Variants in KLHL24 observed in about 807,000 individuals in gnomAD.
KLHL24 encodes the protein kelch like family member 24, also known as kelch-like protein 24.
KLHL24 carries 29 observed loss-of-function variants against 53.4 expected under a neutral mutation model. That is an observed-to-expected ratio of 0.54 (90% CI 0.40 to 0.74). KLHL24 has a LOEUF of 0.74. Ranked by LOEUF, KLHL24 falls within the 30% of genes least tolerant of loss-of-function variation. The pLI, the probability that KLHL24 is intolerant of heterozygous loss-of-function variation, is 0.00. For missense variants in KLHL24, 504 were observed against 744.0 expected (o/e 0.68, Z 3.75); for synonymous variants, 222 against 253.7 (o/e 0.88, Z 1.19).
At chr3:183,676,182 G>A (rs946734120) in intron 7 of KLHL24, among the ~76,000 whole-genome samples, 18 of 152,014 alleles carry the variant, frequency 1.2e-4, no homozygotes, top group African/African-American at 4.1e-4. Context: ...TGCAACCTCC[G>A]CCTCCCGGGT....
At chr3:183,672,167 C>T (rs1241231012) in intron 6 of KLHL24, 129 bp from the exon 7 acceptor site, 4 of 482,688 alleles carry the variant, frequency 8.3e-6, no homozygotes, top group African/African-American at 2.0e-5. Flanking sequence ...ATCAGGCTAA[C>T]CTCTCTTAAT....
chr3:183,684,285 A>G lies in KLHL24; in HGVS notation c.*4999A>G, dbSNP rs916992834. The G allele has an allele frequency of 1.3e-5, 2 of 152,612 alleles. No individual in the cohort carries two copies. The highest frequency in any genetic ancestry group is 2.9e-5 in the Non-Finnish European group (2 of 68,036). 9.5% of individuals were successfully genotyped at this position (152,612 alleles called of 1,614,324 possible). A position where few individuals can be genotyped will look rare whatever the true frequency, so the allele number is the denominator to read the frequency against. ...CAAAAGTATAATCTGCTTTACAACT[A>G]GTATAGACCTAAGGTCATTTGCTTT... On this transcript the variant is annotated 3_prime_UTR_variant, in exon 8 of 8. Coordinates refer to ENST00000242810, the MANE Select transcript of KLHL24 (RefSeq NM_017644.3).
chr3:183,674,158 A>G (rs1721743980), intron 7 of KLHL24, among the ~76,000 whole-genome samples: 1 of 152,032 alleles, frequency 6.6e-6, no homozygotes, highest in African/African-American at 2.4e-5. Flanking sequence ...TCAAGTTCTT[A>G]CCAAGTTTTA....
chr3:183,646,207 C>A (rs1210854341), intron 2 of KLHL24, among the ~76,000 whole-genome samples: 1 of 151,510 alleles, frequency 6.6e-6, no homozygotes, highest in Non-Finnish European at 1.5e-5. Context: ...TCCAAAAGTA[C>A]AAAAATTAGC....
chr3:183,677,751 A>G (rs1712135385), intron 7 of KLHL24, among the ~76,000 whole-genome samples: 1 of 152,144 alleles, frequency 6.6e-6, no homozygotes, highest in South Asian at 2.1e-4. Context: ...AGATGCATGT[A>G]ATAGTGAATC....
chr3:183,656,028 C>G (rs577642034), intron 3 of KLHL24, among the ~76,000 whole-genome samples: 2 of 147,816 alleles, frequency 1.4e-5, no homozygotes, highest in Non-Finnish European at 3.0e-5. Flanking sequence ...TTCAGAGTGC[C>G]CTTAGCATCT....
At chr3:183,679,045 C>T in intron 7 of KLHL24, 41 bp from the exon 8 acceptor site, 4 of 1,497,714 alleles carry the variant, frequency 2.7e-6, no homozygotes, top group Non-Finnish European at 2.8e-6. Context: ...AATCCTTTAT[C>T]TTCAATGGTT....
Position 183,679,801 on chromosome 3 carries a change from G to T in KLHL24, c.*515G>T, listed in dbSNP as rs1370978102. On this transcript the variant is annotated 3_prime_UTR_variant, in exon 8 of 8. Coordinates refer to ENST00000242810, the MANE Select transcript of KLHL24 (RefSeq NM_017644.3). ...CCAGATTGGTTAATTTTATTGAAGG[G>T]TTTTTTTCTGTAATTGATAAAAATG... The T allele has an allele frequency of 6.6e-6, 1 of 152,314 alleles. No homozygotes were observed. Among genetic ancestry groups the T allele is most frequent in the Admixed American group, 6.6e-5 (1 of 15,252 alleles). The allele number at this position is 152,314 out of a possible 1,614,324, so 9.4% of individuals were successfully genotyped here.
chr3:183,648,866 G>T (rs114045718), intron 2 of KLHL24, among the ~76,000 whole-genome samples: 2,347 of 152,182 alleles, frequency 0.015, 46 homozygotes, highest in African/African-American at 0.054. Flanking sequence ...GCCGGGTGTG[G>T]TGGGTACGTG....
intron 1 of KLHL24, among the ~76,000 whole-genome samples, chr3:183,638,300 T>G (rs944133113): frequency 6.6e-6 from 1 of 152,232 alleles, no homozygotes; most frequent in Non-Finnish European, 1.5e-5. Context: ...ACTTAAACTT[T>G]CCTGGCTTTT....
At chr3:183,659,376 A>C (rs1237921942) in intron 3 of KLHL24, among the ~76,000 whole-genome samples, 1 of 152,130 alleles carries the variant, frequency 6.6e-6, no homozygotes, top group Non-Finnish European at 1.5e-5. Context: ...GTCTCTATTA[A>C]AAATACAAAA....
chr3:183,653,563 AC>A (rs1718433976), intron 3 of KLHL24, among the ~76,000 whole-genome samples: 1 of 152,252 alleles, frequency 6.6e-6, no homozygotes, highest in East Asian at 1.9e-4. Context: ...TTATACTGTG[AC>A]AGGTTTTTGC....
intron 3 of KLHL24, among the ~76,000 whole-genome samples, chr3:183,654,178 C>T (rs1421568108): frequency 6.6e-6 from 1 of 152,116 alleles, no homozygotes; most frequent in Admixed American, 6.6e-5. Context: ...TTATTAATTG[C>T]CTTATCCATC....
intron 3 of KLHL24, among the ~76,000 whole-genome samples, chr3:183,652,532 T>G (rs935776673): frequency 1.3e-5 from 2 of 152,206 alleles, no homozygotes; most frequent in African/African-American, 2.4e-5. Context: ...TTTACATTGT[T>G]GTGAAACTAG....
Position 183,671,030 on chromosome 3 carries a change from A to AT in KLHL24, c.1225-3dup, listed in dbSNP as rs750932054. 7 of 1,598,822 alleles carry AT rather than the reference A, an allele frequency of 4.4e-6. No homozygotes were observed. In the South Asian group the frequency reaches 7.8e-5, roughly 18 times the overall value. On this transcript the variant is annotated splice_region_variant and splice_polypyrimidine_tract_variant and intron_variant, in intron 5 of 7. Coordinates refer to ENST00000242810, the MANE Select transcript of KLHL24 (RefSeq NM_017644.3). Reference sequence around the variant, plus strand: ...TAAGATTTTTCCATGTATTTTACATATAGGTATATGTTGTCGGTGGCTATG... The same window carrying AT: ...TAAGATTTTTCCATGTATTTTACATATTAGGTATATGTTGTCGGTGGCTATG...
intron 7 of KLHL24, among the ~76,000 whole-genome samples, chr3:183,674,146 G>A (rs192883831): frequency 6.7e-6 from 1 of 149,722 alleles, no homozygotes. Flanking sequence ...TTCTATTTTT[G>A]TTCAAGTTCT....
Position 183,651,131 on chromosome 3 carries a change from C to T in KLHL24, c.775C>T (p.Leu259=), listed in dbSNP as rs371260156. ...GCTCCTGACACATGTGAGACTCCCT[C>T]TGTTGCATCCCAACTACTTTGTTCA... ...HELLTHVRLP[L]LHPNYFVQTV... The change falls in exon 3 of 8, where the codon CTG becomes TTG. Residue 259 remains leucine (L), a synonymous_variant. Transcript: ENST00000242810. 6 of 1,614,056 alleles carry T rather than the reference C, an allele frequency of 3.7e-6. No homozygotes were observed. The African/African-American group carries it at 8.0e-5, about 22-fold the overall frequency.
chr3:183,639,187 C>G (rs1346311497), intron 1 of KLHL24, among the ~76,000 whole-genome samples: 1 of 151,098 alleles, frequency 6.6e-6, no homozygotes, highest in Non-Finnish European at 1.5e-5. Flanking sequence ...GCAACAGGAG[C>G]AAAACTCCGT....
intron 5 of KLHL24, among the ~76,000 whole-genome samples, chr3:183,670,348 A>G (rs996045584): frequency 2.0e-5 from 3 of 152,202 alleles, no homozygotes; most frequent in African/African-American, 7.2e-5. Flanking sequence ...TATATAAACC[A>G]TGGATTTTTT....
Sources: gnomAD v4.1 joint callset for allele counts (sites outside exome capture counted in the v4.1 genomes callset) on GRCh38, gnomAD v4.1.1 for gene constraint, MANE v1.5 for transcripts, NCBI Gene and HGNC (gene_info 2026-07-23, HGNC 2026-07-21) for gene names.